The following TAFA1 variants were observed in gnomAD, a reference collection of about 807,000 sequenced individuals.
TAFA1 encodes TAFA chemokine like family member 1, also known as chemokine-like protein TAFA-1.
A neutral mutation model predicts 18.5 loss-of-function variants in TAFA1; 4 were observed. The ratio of observed to expected loss-of-function variants is 0.22; its 90% confidence interval spans 0.11 to 0.49. The LOEUF is 0.49. Ranked by LOEUF, TAFA1 falls within the 20% of genes least tolerant of loss-of-function variation. TAFA1 has a pLI of 0.98. For synonymous variants in TAFA1, 56 were observed against 55.2 expected (o/e 1.01, Z -0.06); for missense variants, 147 against 169.0 (o/e 0.87, Z 0.72).
chr3:68,186,530 A>G (rs2066274164), intron 2 of TAFA1, among the ~76,000 whole-genome samples: 3 of 151,908 alleles, frequency 2.0e-5, no homozygotes, highest in African/African-American at 4.8e-5. Context: ...CTTTTCTTTC[A>G]CCATTGTATG....
At chr3:68,323,678 A>G (rs2068727754) in intron 2 of TAFA1, among the ~76,000 whole-genome samples, 1 of 152,226 alleles carries the variant, frequency 6.6e-6, no homozygotes, top group South Asian at 2.1e-4. Context: ...CAAATATTGT[A>G]TATTCCTTTA....
intron 2 of TAFA1, among the ~76,000 whole-genome samples, chr3:68,211,178 C>T (rs768289180): frequency 9.9e-5 from 15 of 151,972 alleles, no homozygotes; most frequent in African/African-American, 1.7e-4. Context: ...AATATCTTAT[C>T]GGCTATGCAG....
At chr3:68,361,378 G>A (rs2069465023) in intron 2 of TAFA1, among the ~76,000 whole-genome samples, 1 of 151,928 alleles carries the variant, frequency 6.6e-6, no homozygotes, top group South Asian at 2.1e-4. Flanking sequence ...AAAAGGGAGG[G>A]TGGTTAGTGG....
chr3:68,440,779 C>G (rs914531301), intron 3 of TAFA1, among the ~76,000 whole-genome samples: 23 of 152,142 alleles, frequency 1.5e-4, no homozygotes, highest in African/African-American at 5.6e-4. Flanking sequence ...TTCCTTACCT[C>G]CATTGTGGAA....
chr3:68,478,598 A>G (rs2072150095), intron 3 of TAFA1, among the ~76,000 whole-genome samples: 1 of 152,158 alleles, frequency 6.6e-6, no homozygotes, highest in Non-Finnish European at 1.5e-5. Flanking sequence ...AATATGAATA[A>G]TCAGTTTTTG....
chr3:68,455,724 A>T (rs2071650739), intron 3 of TAFA1, among the ~76,000 whole-genome samples: 1 of 152,100 alleles, frequency 6.6e-6, no homozygotes, highest in African/African-American at 2.4e-5. Context: ...GAATTCTGTG[A>T]AGTCATGTAC....
chr3:68,323,462 G>T (rs964718345), intron 2 of TAFA1, among the ~76,000 whole-genome samples: 4 of 152,204 alleles, frequency 2.6e-5, no homozygotes, highest in African/African-American at 9.7e-5. Context: ...TTCGAGGAAA[G>T]GAAGCAACAG....
At chr3:68,145,435 T>C in intron 2 of TAFA1, 1 of 849,914 alleles carries the variant, frequency 1.2e-6, no homozygotes, top group Non-Finnish European at 2.1e-6. Context: ...TAGAAGAGGC[T>C]GTGAAAGGCT....
intron 2 of TAFA1, among the ~76,000 whole-genome samples, chr3:68,404,028 C>G (rs1411536179): frequency 6.6e-6 from 1 of 152,184 alleles, no homozygotes; most frequent in East Asian, 1.9e-4. Context: ...ACACATTGCT[C>G]CTGTACTCCC....
chr3:68,325,521 A>T (rs2068761868), intron 2 of TAFA1, among the ~76,000 whole-genome samples: 1 of 152,156 alleles, frequency 6.6e-6, no homozygotes, highest in Non-Finnish European at 1.5e-5. Flanking sequence ...TACTATCATG[A>T]TAGTGATTAT....
chr3:68,409,210 C>A (rs534921131), intron 2 of TAFA1, among the ~76,000 whole-genome samples: 1 of 152,124 alleles, frequency 6.6e-6, no homozygotes, highest in Non-Finnish European at 1.5e-5. Flanking sequence ...TACACTCCCC[C>A]CTTAGCATAT....
At chr3:68,208,084 A>T (rs1261554771) in intron 2 of TAFA1, among the ~76,000 whole-genome samples, 1 of 151,958 alleles carries the variant, frequency 6.6e-6, no homozygotes, top group Non-Finnish European at 1.5e-5. Flanking sequence ...ATGAAAAAAG[A>T]GAAGATGAGG....
chr3:68,410,293 G>A (rs1056631882), intron 2 of TAFA1, among the ~76,000 whole-genome samples: 2 of 151,940 alleles, frequency 1.3e-5, no homozygotes, highest in Admixed American at 6.6e-5. Context: ...TTAACACCAG[G>A]GTCAACATGG....
At chr3:68,443,492 A>C (rs77906507) in intron 3 of TAFA1, among the ~76,000 whole-genome samples, 8 of 145,900 alleles carry the variant, frequency 5.5e-5, no homozygotes, top group Admixed American at 2.8e-4. Flanking sequence ...AAAAAAAAAA[A>C]AAAACAAAAA....
At chr3:68,357,632 G>A (rs2069390447) in intron 2 of TAFA1, among the ~76,000 whole-genome samples, 2 of 152,012 alleles carry the variant, frequency 1.3e-5, no homozygotes, top group South Asian at 4.1e-4. Flanking sequence ...CTGACAAGTG[G>A]TTAAAGTGCT....
intron 2 of TAFA1, among the ~76,000 whole-genome samples, chr3:68,158,688 G>A (rs1049105002): frequency 6.6e-6 from 1 of 152,062 alleles, no homozygotes; most frequent in Non-Finnish European, 1.5e-5. Flanking sequence ...GAGATGAGAA[G>A]GCCTCACTTT....
chr3:68,370,943 C>A (rs1245558814), intron 2 of TAFA1, among the ~76,000 whole-genome samples: 1 of 151,904 alleles, frequency 6.6e-6, no homozygotes, highest in Non-Finnish European at 1.5e-5. Context: ...CGCCTTTTTT[C>A]TACATTTAAC....
At chr3:68,311,987 A>C (rs1397944043) in intron 2 of TAFA1, among the ~76,000 whole-genome samples, 2 of 152,334 alleles carry the variant, frequency 1.3e-5, no homozygotes, top group East Asian at 3.9e-4. Context: ...GAGGTTCCCA[A>C]ACCCCAGTTA....
Position 68,037,393 on chromosome 3 carries a change from C to T in TAFA1, c.118+30649C>T, listed in dbSNP as rs532685840. 2.0e-5 allele frequency among the ~76,000 whole-genome samples: 3 copies of T among 152,260 alleles called. No individual in the cohort carries two copies. In the East Asian group the frequency reaches 5.8e-4, roughly 29 times the overall value. On this transcript the variant is annotated intron_variant, in intron 2 of 4. Transcript: ENST00000478136. ...ATCTTAGAAGCCTGTAATGAAGCATCCACAAACCATGGGTCCTATATGACC... is the reference window on the plus strand; with the variant it reads ...ATCTTAGAAGCCTGTAATGAAGCATTCACAAACCATGGGTCCTATATGACC...
Sources: allele counts gnomAD v4.1 joint callset (sites outside exome capture counted in the v4.1 genomes callset), GRCh38; gene constraint gnomAD v4.1.1; transcripts MANE v1.5; gene names NCBI Gene and HGNC (gene_info 2026-07-23, HGNC 2026-07-21).